Variants in ARID1A observed in about 807,000 individuals in gnomAD.
ARID1A encodes the protein AT-rich interaction domain 1A, also known as AT-rich interactive domain-containing protein 1A.
A neutral mutation model predicts 212.6 loss-of-function variants in ARID1A; 20 were observed. The ratio of observed to expected loss-of-function variants is 0.09; its 90% confidence interval spans 0.07 to 0.14. ARID1A has a LOEUF of 0.14. ARID1A is among the 10% of genes least tolerant of loss of function. The pLI is 1.00. For synonymous variants in ARID1A, 1,376 were observed against 1,222.1 expected (o/e 1.13, Z -2.63); for missense variants, 2,587 against 3,059.0 (o/e 0.85, Z 3.64).
At chr1:26,758,163 A>G (rs2080958978) in intron 4 of ARID1A, among the ~76,000 whole-genome samples, 1 of 152,080 alleles carries the variant, frequency 6.6e-6, no homozygotes, top group Admixed American at 6.6e-5. Context: ...TGCTATATAG[A>G]CTGTAGGGCC....
Position 26,767,802 on chromosome 1 carries a change from TCTA to T in ARID1A, c.3006_3008del (p.Thr1004del). The T allele has an allele frequency of 6.2e-7, 1 of 1,613,572 alleles. No homozygotes were observed. Among genetic ancestry groups the T allele is most frequent in the African/African-American group, 1.3e-5 (1 of 75,024 alleles). ...CTGAACCTTCCAGAAATCCAGTTCT[TCTA>T]CTACAACCAATGAGAAGATCACCAA... is the stretch of plus-strand genomic sequence containing the variant. On this transcript the variant is annotated inframe_deletion, in exon 11 of 20. Transcript: ENST00000324856.
chr1:26,696,120 G>T lies in ARID1A; in HGVS notation c.-284G>T. ...TCCCAGGCAAGGGCTTGGGGGGAAT[G>T]AGCCGGGAGAGCCGGGTCCCGAGCC... On this transcript the variant is annotated 5_prime_UTR_variant, in exon 1 of 20. It removes an upstream start codon present in the reference 5' UTR. Transcript: ENST00000324856. The T allele has an allele frequency of 4.4e-6, 2 of 451,788 alleles. No individual in the cohort carries two copies. The highest frequency in any genetic ancestry group is 9.6e-5 in the South Asian group (1 of 10,364). 28.0% of individuals were successfully genotyped at this position (451,788 alleles called of 1,614,324 possible).
In ARID1A at chr1:26,780,853, TC is replaced by T. The variant is rs2081186193; in HGVS notation, c.*99del. On this transcript the variant is annotated 3_prime_UTR_variant, in exon 20 of 20. Transcript: ENST00000324856. This position sits in a 1 kb window ranked among gnomAD's most constrained non-coding sequence, Gnocchi z 7.2. The stretch of plus-strand genomic sequence containing the variant: ...TTATTTATGCAAAACCACCTCAGAA[TC>T]CAGTTTACCCTGTGCTGTCCAGCTT... The T allele has an allele frequency of 4.8e-6, 7 of 1,461,040 alleles. No individual in the cohort carries two copies. Among genetic ancestry groups the T allele is most frequent in the African/African-American group, 2.8e-5 (2 of 70,740 alleles). 90.5% of individuals were successfully genotyped at this position (1,461,040 alleles called of 1,614,324 possible).
intron 1 of ARID1A, among the ~76,000 whole-genome samples, chr1:26,713,400 G>A (rs992626056): frequency 3.4e-5 from 5 of 148,024 alleles, no homozygotes; most frequent in African/African-American, 7.5e-5. Flanking sequence ...GCTTTGTTGC[G>A]CAGGCTGGAG....
At chr1:26,704,688 C>A (rs1557576012) in intron 1 of ARID1A, among the ~76,000 whole-genome samples, 1 of 151,920 alleles carries the variant, frequency 6.6e-6, no homozygotes, top group Non-Finnish European at 1.5e-5. Context: ...TAGGGAGACC[C>A]CATCTTTACA....
At position 26,780,134 on chromosome 1, in the gene ARID1A, G is replaced by T. The variant is rs1472524661; in HGVS notation, c.6236G>T (p.Ser2079Ile). ...TTGGACCTATCTCCATACCCCGAGA[G>T]CATTTGCCTGCCTGTCCTGGACGGA... The part of the protein sequence containing the change: ...GQLDLSPYPE[S>I]ICLPVLDGLL... Residue 2079 changes from serine to isoleucine, a missense_variant, in exon 20 of 20, where the codon AGC (serine) becomes ATC (isoleucine). Ser to Ile is a moderately radical substitution (Grantham distance 142). Around this residue, in one of 11 missense-constraint regions of ARID1A, gnomAD observed 168 missense variants for 321.0 expected, o/e 0.52. Transcript: ENST00000324856. The surrounding 1 kb of genome is among the most constrained non-coding windows in gnomAD (Gnocchi z 7.2). The T allele has an allele frequency of 5.0e-6, 8 of 1,614,052 alleles. No homozygotes were observed. The highest frequency in any genetic ancestry group is 8.5e-7 in the Non-Finnish European group (1 of 1,180,044).
At chr1:26,751,084 G>A (rs1223225571) in intron 4 of ARID1A, among the ~76,000 whole-genome samples, 2 of 151,888 alleles carry the variant, frequency 1.3e-5, no homozygotes, top group African/African-American at 2.4e-5. Flanking sequence ...GTGAAACCCC[G>A]TCTCTACTAA....
chr1:26,721,695 T>C (rs188924664), intron 1 of ARID1A, among the ~76,000 whole-genome samples: 1 of 152,350 alleles, frequency 6.6e-6, no homozygotes, highest in African/African-American at 2.4e-5. Context: ...AAAATGTGGC[T>C]AATGAAAGTG....
At chr1:26,769,339 T>C (rs2081064785) in intron 11 of ARID1A, 2 of 152,228 alleles carry the variant, frequency 1.3e-5, no homozygotes, top group African/African-American at 4.8e-5. Context: ...TAACTGAACT[T>C]TTATAAAGGC....
chr1:26,766,713 A>G (rs2081042762), intron 10 of ARID1A, 147 bp downstream of exon 10: 1 of 835,192 alleles, frequency 1.2e-6, no homozygotes, highest in East Asian at 2.7e-5. Context: ...GCCTCCTCTT[A>G]TCATGAAAGG....
intron 18 of ARID1A, 137 bp downstream of exon 18, chr1:26,775,357 G>A: frequency 1.4e-6 from 2 of 1,429,482 alleles, no homozygotes; most frequent in African/African-American, 2.9e-5. Flanking sequence ...CTTTGGAAAA[G>A]GAAGAAATAA....
chr1:26,772,227 A>G (rs1000893689), intron 12 of ARID1A: 1 of 456,126 alleles, frequency 2.2e-6, no homozygotes, highest in Admixed American at 3.3e-5. Context: ...TAGCCAGGGA[A>G]GCTGGCAATG....
intron 1 of ARID1A, among the ~76,000 whole-genome samples, chr1:26,717,135 A>G (rs7538589): frequency 1.2e-4 from 18 of 152,326 alleles, no homozygotes; most frequent in African/African-American, 4.1e-4. Context: ...GCTTTGAACA[A>G]AATCCTCTGG....
intron 4 of ARID1A, among the ~76,000 whole-genome samples, chr1:26,757,373 G>T (rs2080949977): frequency 6.6e-6 from 1 of 151,776 alleles, no homozygotes; most frequent in East Asian, 2.0e-4. Context: ...AGGAGGCTGA[G>T]GCAGGAGAAT....
intron 1 of ARID1A, among the ~76,000 whole-genome samples, chr1:26,712,919 C>T (rs2080467354): frequency 1.3e-5 from 2 of 152,216 alleles, no homozygotes; most frequent in Non-Finnish European, 2.9e-5. Context: ...TGTTCTAATT[C>T]ATTTGGACTT....
At chr1:26,759,624 G>A (rs776007724) in intron 4 of ARID1A, among the ~76,000 whole-genome samples, 5 of 152,106 alleles carry the variant, frequency 3.3e-5, no homozygotes, top group African/African-American at 9.7e-5. Context: ...ATGAACATGG[G>A]GCAGGGGATG....
intron 4 of ARID1A, among the ~76,000 whole-genome samples, chr1:26,759,066 G>A (rs2080967204): frequency 6.6e-6 from 1 of 152,084 alleles, no homozygotes; most frequent in Non-Finnish European, 1.5e-5. Flanking sequence ...TTAACTGTCA[G>A]ATCTTAGGGT....
At chr1:26,717,929 G>C (rs1341772050) in intron 1 of ARID1A, among the ~76,000 whole-genome samples, 1 of 152,162 alleles carries the variant, frequency 6.6e-6, no homozygotes, top group African/African-American at 2.4e-5. Flanking sequence ...AGGATGCCCA[G>C]CTGATTTGAG....
At position 26,775,581 on chromosome 1, in the gene ARID1A, C is replaced by T. The variant is rs2124126131; in HGVS notation, c.4998C>T (p.Thr1666=). The T allele has an allele frequency of 6.2e-7, 1 of 1,614,034 alleles. No homozygotes were observed. The highest frequency in any genetic ancestry group is 8.5e-7 in the Non-Finnish European group (1 of 1,180,014). The change falls in exon 19 of 20, where the codon ACC becomes ACT. Residue 1666 remains threonine, a synonymous_variant. Transcript: ENST00000324856. ...RRRLTMKDIG[T]PEAWRVMMSL... ...CGACATGGAGGTTTATTTCAGGAAC[C>T]CCGGAGGCATGGCGGGTAATGATGT...
Sources: gnomAD v4.1 joint callset for allele counts (sites outside exome capture counted in the v4.1 genomes callset) on GRCh38, gnomAD v4.1.1 for gene constraint, gnomAD v4.1.1 regional missense constraint, Gnocchi (gnomAD v3.1) non-coding constraint, MANE v1.5 for transcripts, NCBI Gene and HGNC (gene_info 2026-07-23, HGNC 2026-07-21) for gene names.